Variants in DOCK9 observed in about 807,000 individuals in gnomAD.
The protein encoded by DOCK9 is dedicator of cytokinesis protein 9.
Under a neutral mutation model 263.3 loss-of-function variants are expected in DOCK9, and 89 were observed. That is an observed-to-expected ratio of 0.34 (90% confidence interval 0.28 to 0.40). The LOEUF (loss-of-function observed/expected upper bound fraction) is 0.40, where lower values mean the gene tolerates loss of function less well. DOCK9 is among the 10% of genes least tolerant of loss of function. The probability of loss-of-function intolerance (pLI) is 1.00; values close to 1 mark genes in which losing one functional copy is unlikely to be tolerated. For synonymous variants in DOCK9, 976 were observed against 973.1 expected, an observed-to-expected ratio of 1.00 and a Z score of -0.06; for missense variants, 2,140 against 2,603.4, an observed-to-expected ratio of 0.82 and a Z score of 3.87.
rs573758392 is a variant in DOCK9 at position 98,962,895 on chromosome 13, A to G, written c.127-7344T>C. 5.3e-5 allele frequency among the ~76,000 whole-genome samples: 8 copies of G among 152,260 alleles called. No individual in the cohort carries two copies. In the South Asian group the frequency reaches 1.7e-3, roughly 32 times the overall value. ...CCACAGCTGGGGGTGGGCGATAGAG[A>G]AAAGCACTTCTGACCCCCTCCCATT... On this transcript the variant is annotated intron_variant, in intron 1 of 52. Transcript: ENST00000682017.
intron 45 of DOCK9, among the ~76,000 whole-genome samples, chr13:98,821,630 A>T (rs183191772): frequency 1.3e-5 from 2 of 151,930 alleles, no homozygotes; most frequent in African/African-American, 4.8e-5. Flanking sequence ...GAATTCTTCA[A>T]TCTACACAGG....
chr13:99,086,751 GGCGGGACGGCGGGCCAGGCAGGTCGGC>G (rs1293310786), upstream of DOCK9: 1 of 147,502 alleles, frequency 6.8e-6, no homozygotes, highest in Admixed American at 6.8e-5. Flanking sequence ...GGGCCGCCGC[GGCGGGACGGCGGGCCAGGCAGGTCGGC>G]GCGGCCCGGC....
intron 9 of DOCK9, 57 bp from the exon 10 acceptor site, chr13:98,904,763 C>A: frequency 2.1e-6 from 3 of 1,446,838 alleles, no homozygotes; most frequent in Non-Finnish European, 2.8e-6. Context: ...TGCAAAGGTG[C>A]CCAAATACAT....
chr13:98,808,522 C>T (rs2090971202), intron 47 of DOCK9: 1 of 734,664 alleles, frequency 1.4e-6, no homozygotes, highest in African/African-American at 1.8e-5. Flanking sequence ...AAATGGTGCA[C>T]AAAACAGTAA....
rs115386771 is a variant in DOCK9, at chr13:98,894,938, T to G, written c.1709+2550A>C. ...AGCCTGGGCAAGATGGTGAGATATT[T>G]AGTATCTCTACTAAAATACAAAAAA... On this transcript the variant is annotated intron_variant, in intron 15 of 52. Coordinates refer to ENST00000682017, the MANE Select transcript of DOCK9 (RefSeq NM_001366683.2). Among the ~76,000 whole-genome samples the G allele has an allele frequency of 3.3e-3, 394 of 118,376 alleles. 2 individuals are homozygous for G. Among genetic ancestry groups the G allele is most frequent in the African/African-American group, 9.5e-3 (294 of 30,866 alleles). 77.7% of individuals were successfully genotyped at this position (118,376 alleles called of 152,430 possible).
intron 26 of DOCK9, 93 bp downstream of exon 26, chr13:98,880,454 T>A (rs2044559914): frequency 6.5e-7 from 1 of 1,546,304 alleles, no homozygotes; most frequent in African/African-American, 1.4e-5. Context: ...TGTTTGTCTC[T>A]AAGAGCACTC....
chr13:99,026,206 G>A (rs1417956387), intron 1 of DOCK9, among the ~76,000 whole-genome samples: 2 of 152,144 alleles, frequency 1.3e-5, no homozygotes, highest in Non-Finnish European at 2.9e-5. Context: ...ATTGACTATG[G>A]TGATGGATGC....
chr13:98,900,819 C>T (rs1206626239), intron 13 of DOCK9, among the ~76,000 whole-genome samples: 2 of 152,158 alleles, frequency 1.3e-5, no homozygotes. Flanking sequence ...TTCTCAATGG[C>T]CATCGTGCAT....
intron 45 of DOCK9, among the ~76,000 whole-genome samples, chr13:98,814,366 C>T (rs1709375599): frequency 6.6e-6 from 1 of 151,772 alleles, no homozygotes; most frequent in Non-Finnish European, 1.5e-5. Context: ...GTTTTCACAC[C>T]CACTCTTTTC....
intron 27 of DOCK9, among the ~76,000 whole-genome samples, chr13:98,875,229 T>G (rs774286441): frequency 5.5e-4 from 84 of 152,228 alleles, no homozygotes; most frequent in Non-Finnish European, 1.0e-3. Context: ...CTCAATGCTT[T>G]GCACATTACA....
chr13:98,896,050 G>A (rs1263956417), intron 15 of DOCK9, among the ~76,000 whole-genome samples: 1 of 152,178 alleles, frequency 6.6e-6, no homozygotes, highest in Non-Finnish European at 1.5e-5. Flanking sequence ...CGTGAGCTGT[G>A]AAAGGTTCAT....
chr13:98,981,676 C>G (rs1049724773), upstream of DOCK9, among the ~76,000 whole-genome samples: 1 of 152,198 alleles, frequency 6.6e-6, no homozygotes, highest in Non-Finnish European at 1.5e-5. Flanking sequence ...AGTGCTGGCG[C>G]TCTCCCCTGC....
At chr13:99,086,852 T>TG (rs1410981323), upstream of DOCK9, among the ~76,000 whole-genome samples, 109 of 147,988 alleles carry the variant, frequency 7.4e-4, no homozygotes, top group Non-Finnish European at 1.4e-3. Flanking sequence ...CTGGGGAAGG[T>TG]GGGGGGTCGG....
intron 1 of DOCK9, among the ~76,000 whole-genome samples, chr13:99,051,365 T>G (rs982391884): frequency 3.3e-5 from 5 of 152,052 alleles, no homozygotes; most frequent in African/African-American, 1.2e-4. Flanking sequence ...TGAAAGTCCC[T>G]GAAGCAGACA....
intron 2 of DOCK9, 85 bp downstream of exon 2, chr13:98,955,350 C>A: frequency 1.1e-6 from 1 of 887,914 alleles, no homozygotes; most frequent in Non-Finnish European, 1.6e-6. Context: ...AATTAACTAA[C>A]CAAACAATAA....
intron 1 of DOCK9, among the ~76,000 whole-genome samples, chr13:99,068,327 T>C (rs773086717): frequency 3.3e-5 from 5 of 152,206 alleles, no homozygotes; most frequent in Non-Finnish European, 5.9e-5. Context: ...CTCATGCTTG[T>C]AATACCAGCA....
intron 19 of DOCK9, 127 bp from the exon 20 acceptor site, chr13:98,885,958 G>C (rs2045632090): frequency 1.2e-6 from 1 of 828,052 alleles, no homozygotes; most frequent in East Asian, 2.9e-5. Flanking sequence ...ATTAACATTT[G>C]CACTCAAAGA....
At chr13:98,979,278 G>A (rs1054359348), upstream of DOCK9, among the ~76,000 whole-genome samples, 4 of 151,558 alleles carry the variant, frequency 2.6e-5, no homozygotes, top group East Asian at 3.9e-4. Context: ...AGTCAACAAC[G>A]AGAGTAGTTA....
At chr13:98,979,932 C>G (rs1343657859), upstream of DOCK9, among the ~76,000 whole-genome samples, 1 of 152,230 alleles carries the variant, frequency 6.6e-6, no homozygotes, top group African/African-American at 2.4e-5. Context: ...TGAGATGGTT[C>G]AGGAAGTTCT....
Sources: gnomAD v4.1 joint callset for allele counts (sites outside exome capture counted in the v4.1 genomes callset) on GRCh38, gnomAD v4.1.1 for gene constraint, MANE v1.5 for transcripts, NCBI Gene and HGNC (gene_info 2026-07-23, HGNC 2026-07-21) for gene names.